The following ARNT variants were observed in gnomAD, a reference collection of about 807,000 sequenced individuals.
The protein encoded by ARNT is class E basic helix-loop-helix protein 2.
Under a neutral mutation model 105.0 loss-of-function variants are expected in ARNT, and 30 were observed. That is an observed-to-expected ratio of 0.29 (90% CI 0.21 to 0.39). ARNT has a LOEUF of 0.39. Ranked by LOEUF, ARNT falls within the 10% of genes least tolerant of loss-of-function variation. The pLI is 1.00. For missense variants in ARNT, 748 were observed against 978.7 expected (o/e 0.76, Z 3.15); for synonymous variants, 304 against 344.0 (o/e 0.88, Z 1.29).
intron 1 of ARNT, among the ~76,000 whole-genome samples, chr1:150,865,738 T>C (rs907374278): frequency 1.3e-5 from 2 of 152,198 alleles, no homozygotes; most frequent in Admixed American, 6.5e-5. Context: ...AATGTATGCA[T>C]ACTACATGCT....
intron 10 of ARNT, chr1:150,831,472 G>C (rs985311560): frequency 5.0e-6 from 1 of 201,074 alleles, no homozygotes; most frequent in African/African-American, 2.4e-5. Flanking sequence ...TCAAAGTCTT[G>C]TTCCTACTTT....
intron 1 of ARNT, among the ~76,000 whole-genome samples, chr1:150,875,111 G>A (rs187132589): frequency 5.8e-4 from 88 of 152,218 alleles, no homozygotes; most frequent in Non-Finnish European, 1.9e-4. Context: ...TAAAAATCTT[G>A]TTTATTTATT....
intron 2 of ARNT, among the ~76,000 whole-genome samples, chr1:150,853,922 T>C (rs1286672253): frequency 6.6e-6 from 1 of 152,224 alleles, no homozygotes; most frequent in African/African-American, 2.4e-5. Flanking sequence ...TTGGGATACC[T>C]TGATATTATG....
intron 1 of ARNT, among the ~76,000 whole-genome samples, chr1:150,864,763 A>T (rs989639702): frequency 2.1e-4 from 29 of 137,916 alleles, no homozygotes; most frequent in South Asian, 4.7e-4. Context: ...AAAGTATAAT[A>T]AAAAATAAAT....
intron 4 of ARNT, among the ~76,000 whole-genome samples, chr1:150,845,978 C>CAA (rs1662128363): frequency 6.6e-6 from 1 of 152,188 alleles, no homozygotes; most frequent in Non-Finnish European, 1.5e-5. Context: ...AATGCAAGCA[C>CAA]AAAATCCATA....
At chr1:150,838,113 T>C (rs1660636023) in intron 6 of ARNT, among the ~76,000 whole-genome samples, 1 of 152,176 alleles carries the variant, frequency 6.6e-6, no homozygotes, top group Admixed American at 6.5e-5. Context: ...AAAATTAAAA[T>C]CTAAATTCTT....
chr1:150,829,147 A>G lies in ARNT; in HGVS notation c.1113T>C (p.Gly371=). 6.2e-7 allele frequency: 1 copy of G among 1,614,200 alleles called. No individual in the cohort carries two copies. Among genetic ancestry groups the G allele is most frequent in the Non-Finnish European group, 8.5e-7 (1 of 1,180,022 alleles). ...AGCGGTGATCCACAAAAGTGAAGAT[A>G]CCCTCAATGTTGTGTCGGGAGATGA... ...TEFISRHNIE[G]IFTFVDHRCV... Residue 371 remains glycine (G), a synonymous_variant, in exon 12 of 22, where the codon GGT becomes GGC. Coordinates refer to ENST00000358595, the MANE Select transcript of ARNT (RefSeq NM_001668.4).
In ARNT at chr1:150,817,118, G is replaced by A. The variant is rs762735523; in HGVS notation, c.1663C>T (p.Pro555Ser). The A allele has an allele frequency of 2.0e-5, 32 of 1,614,042 alleles. No homozygotes were observed. Among genetic ancestry groups the A allele is most frequent in the Non-Finnish European group, 2.6e-5 (31 of 1,180,042 alleles). ...TTGTGATAGATTTCTGAAAATCTTGGATCTCTATCCTGGGCAAATAAACCA... is the reference window on the plus strand; with the variant it reads ...TTGTGATAGATTTCTGAAAATCTTGAATCTCTATCCTGGGCAAATAAACCA... ...SDGLFAQDRD[P>S]RFSEIYHNIN... is the part of the protein sequence containing the mutation. Residue 555 changes from proline to serine, a missense_variant, in exon 17 of 22, where the codon CCA (proline) becomes TCA (serine). Transcript: ENST00000358595.
intron 4 of ARNT, among the ~76,000 whole-genome samples, chr1:150,844,862 T>C (rs925805216): frequency 6.6e-6 from 1 of 150,694 alleles, no homozygotes; most frequent in Non-Finnish European, 1.5e-5. Flanking sequence ...CAGGCTGGAG[T>C]GCAATGGTGC....
At chr1:150,817,244 A>T (rs780314849) in intron 16 of ARNT, 42 bp from the exon 17 acceptor site, 4 of 1,612,998 alleles carry the variant, frequency 2.5e-6, no homozygotes, top group Non-Finnish European at 3.4e-6. Flanking sequence ...AAGATTTAAC[A>T]TGACAATTCA....
chr1:150,851,273 C>T (rs1178189254), intron 3 of ARNT, among the ~76,000 whole-genome samples: 6 of 138,112 alleles, frequency 4.3e-5, no homozygotes, highest in Admixed American at 7.3e-5. Flanking sequence ...CCGCCCCGTC[C>T]GGGAGGTGGG....
chr1:150,831,952 A>G, intron 9 of ARNT, 49 bp from the exon 10 acceptor site: 2 of 1,237,322 alleles, frequency 1.6e-6, no homozygotes, highest in Non-Finnish European at 2.3e-6. Context: ...TCTACCCGTA[A>G]AACTCAAAGG....
chr1:150,824,762 T>C (rs1389191970), intron 13 of ARNT, among the ~76,000 whole-genome samples: 1 of 152,106 alleles, frequency 6.6e-6, no homozygotes. Context: ...GATGAGAGCA[T>C]CTGTTTTCAC....
chr1:150,849,192 A>C (rs975003345), intron 3 of ARNT, among the ~76,000 whole-genome samples: 4 of 151,850 alleles, frequency 2.6e-5, no homozygotes, highest in Non-Finnish European at 4.4e-5. Context: ...AACAAGAGTG[A>C]AAATCAGTCT....
chr1:150,823,551 G>A (rs1439047753), intron 13 of ARNT, among the ~76,000 whole-genome samples: 2 of 138,514 alleles, frequency 1.4e-5, no homozygotes, highest in East Asian at 4.3e-4. Flanking sequence ...AGAGACTTAA[G>A]CTTTTTTTTT....
Position 150,812,098 on chromosome 1 carries a change from T to C in ARNT, c.2293A>G (p.Met765Val). Residue 765 changes from methionine (M) to valine (V), a missense_variant, in exon 22 of 22, where the codon ATG (methionine) becomes GTG (valine). Physicochemically the swap from Met to Val is conservative, Grantham distance 21. This residue lies in a region of ARNT where 360 missense variants were observed against 411.9 expected (regional missense o/e 0.87). Transcript: ENST00000358595. ...QPEVFQEMLS[M>V]LGDQSNSYNN... is the part of the protein sequence containing the mutation. ...TAGCTGTTGCTCTGATCTCCCAGCA[T>C]GGACAGCATCTCCTGATAAAAGAAA... The C allele has an allele frequency of 1.3e-6, 2 of 1,568,278 alleles. No homozygotes were observed. The highest frequency in any genetic ancestry group is 1.7e-6 in the Non-Finnish European group (2 of 1,154,590).
intron 3 of ARNT, among the ~76,000 whole-genome samples, chr1:150,850,486 G>A (rs1449178055): frequency 6.6e-6 from 1 of 152,244 alleles, no homozygotes; most frequent in Non-Finnish European, 1.5e-5. Context: ...GTTTCGCTGG[G>A]TTGGCCGGGC....
rs763121654 is a variant in ARNT at position 150,839,499 on chromosome 1, C to T, written c.428G>A (p.Arg143Gln). The T allele has an allele frequency of 5.0e-5, 81 of 1,614,058 alleles. No individual in the cohort carries two copies. Among genetic ancestry groups the T allele is most frequent in the Non-Finnish European group, 5.9e-5 (70 of 1,180,036 alleles). ...ATCAGTGGATGTGTTGCCAGTTCCC[C>T]GCAAGGACTTCATGTGAGAAACTGC... ...RMAVSHMKSL[R>Q]GTGNTSTDGS... is the part of the protein sequence containing the mutation. Residue 143 changes from arginine to glutamine, a missense_variant, in exon 6 of 22, where the codon CGG becomes CAG. Transcript: ENST00000358595.
chr1:150,826,927 G>C (rs1658409068), intron 12 of ARNT, among the ~76,000 whole-genome samples: 2 of 151,974 alleles, frequency 1.3e-5, no homozygotes, highest in Non-Finnish European at 2.9e-5. Flanking sequence ...GATTACAGGT[G>C]TGAGCCACCG....
Sources: gnomAD v4.1 joint callset for allele counts (sites outside exome capture counted in the v4.1 genomes callset) on GRCh38, gnomAD v4.1.1 for gene constraint, gnomAD v4.1.1 regional missense constraint, MANE v1.5 for transcripts, NCBI Gene and HGNC (gene_info 2026-07-23, HGNC 2026-07-21) for gene names.